Variants in PROSER3 observed in about 807,000 individuals in gnomAD.
PROSER3 encodes proline and serine rich 3, also known as proline and serine-rich protein 3.
PROSER3 carries 33 observed loss-of-function variants against 50.2 expected under a neutral mutation model. The ratio of observed to expected loss-of-function variants is 0.66; its 90% CI spans 0.50 to 0.88. The LOEUF is 0.88. PROSER3 is among the 40% of genes least tolerant of loss of function. The pLI is 0.00. For missense variants in PROSER3, 623 were observed against 612.7 expected, an observed-to-expected ratio of 1.02 and a Z score of -0.18; for synonymous variants, 266 against 259.3, an observed-to-expected ratio of 1.03 and a Z score of -0.25.
At chr19:35,758,208 G>C in exon 1 of PROSER3, 1 of 1,561,356 alleles carries the variant, frequency 6.4e-7, no homozygotes, top group South Asian at 1.2e-5. Flanking sequence ...CGCGGAGGGA[G>C]CCGCGGGATG....
intron 3 of PROSER3, among the ~76,000 whole-genome samples, chr19:35,761,173 G>A (rs906788526): frequency 2.0e-5 from 3 of 152,174 alleles, no homozygotes; most frequent in African/African-American, 4.8e-5. Flanking sequence ...ACTTAGTCAC[G>A]TGGTCACAAG....
intron 5 of PROSER3, among the ~76,000 whole-genome samples, chr19:35,764,425 G>T (rs1391011992): frequency 2.0e-5 from 3 of 152,114 alleles, no homozygotes; most frequent in Non-Finnish European, 2.9e-5. Context: ...AGGAGACTGA[G>T]GTGGGCGGAT....
downstream of PROSER3, chr19:35,769,329 G>C (rs1191719395): frequency 7.3e-6 from 1 of 136,972 alleles, no homozygotes; most frequent in Non-Finnish European, 1.5e-5. Flanking sequence ...TTTTTGGATG[G>C]AGTCTAGCTC....
intron 1 of PROSER3, chr19:35,758,443 G>A: frequency 2.0e-6 from 1 of 488,736 alleles, no homozygotes; most frequent in Non-Finnish European, 3.5e-6. Flanking sequence ...TCTCTGAGTG[G>A]GCCCCAAGGA....
At chr19:35,760,673 G>A (rs1970928540) in intron 3 of PROSER3, among the ~76,000 whole-genome samples, 1 of 151,944 alleles carries the variant, frequency 6.6e-6, no homozygotes, top group Non-Finnish European at 1.5e-5. Flanking sequence ...TTTTAGTAGA[G>A]ATGGGGTTTC....
intron 3 of PROSER3, among the ~76,000 whole-genome samples, chr19:35,761,500 C>A (rs562513849): frequency 6.6e-6 from 1 of 152,118 alleles, no homozygotes; most frequent in East Asian, 1.9e-4. Context: ...GGTGAAACTC[C>A]GTCTCTACCA....
chr19:35,768,773 T>C (rs1599760685), exon 11 of PROSER3: 4 of 440,910 alleles, frequency 9.1e-6, no homozygotes, highest in Middle Eastern at 6.2e-4. Flanking sequence ...AGAGGGAGTT[T>C]CAGACAAGAC....
At chr19:35,763,723 G>T (rs1298583224) in intron 5 of PROSER3, among the ~76,000 whole-genome samples, 4 of 144,518 alleles carry the variant, frequency 2.8e-5, no homozygotes, top group Admixed American at 1.4e-4. Flanking sequence ...AGCCAGGATG[G>T]TCTCCATCTC....
intron 2 of PROSER3, 81 bp downstream of exon 2, chr19:35,759,551 G>C: frequency 7.7e-7 from 1 of 1,299,404 alleles, no homozygotes; most frequent in South Asian, 1.3e-5. Flanking sequence ...GACATGTGAT[G>C]AGAGATAGGG....
At chr19:35,767,202 T>C in intron 8 of PROSER3, 1 of 476,364 alleles carries the variant, frequency 2.1e-6, no homozygotes, top group Non-Finnish European at 3.7e-6. Context: ...TTTCCCTCAG[T>C]GTCCTCTCCA....
At chr19:35,763,209 C>CA (rs1020343677) in intron 5 of PROSER3, among the ~76,000 whole-genome samples, 2 of 147,962 alleles carry the variant, frequency 1.4e-5, no homozygotes, top group East Asian at 4.0e-4. Context: ...CATGCCCCCC[C>CA]TTTTTTTTTT....
chr19:35,766,362 C>G (rs1382480934), intron 7 of PROSER3, among the ~76,000 whole-genome samples: 1 of 151,982 alleles, frequency 6.6e-6, no homozygotes, highest in Middle Eastern at 3.2e-3. Context: ...GCTTGGGCAA[C>G]AAAGCAAGAC....
At chr19:35,770,292 C>T (rs911175454), downstream of PROSER3, among the ~76,000 whole-genome samples, 1 of 151,838 alleles carries the variant, frequency 6.6e-6, no homozygotes, top group Non-Finnish European at 1.5e-5. Flanking sequence ...CCCACCTCAG[C>T]CTCCCAAAGT....
At chr19:35,766,839 C>A in exon 8 of PROSER3, 1 of 1,551,632 alleles carries the variant, frequency 6.4e-7, no homozygotes, top group Non-Finnish European at 8.7e-7. Context: ...AGCACCCCTT[C>A]GGCCAGAGGA....
At chr19:35,760,934 A>C (rs1970936737) in intron 3 of PROSER3, among the ~76,000 whole-genome samples, 1 of 152,232 alleles carries the variant, frequency 6.6e-6, no homozygotes, top group Non-Finnish European at 1.5e-5. Flanking sequence ...AAAGAGTCCC[A>C]AATTAATTAT....
intron 5 of PROSER3, 37 bp downstream of exon 5, chr19:35,762,393 A>G: frequency 6.6e-7 from 1 of 1,506,402 alleles, no homozygotes; most frequent in Non-Finnish European, 9.1e-7. Context: ...TGGGTGCCTG[A>G]ACTGACAACA....
chr19:35,768,720 C>A, exon 11 of PROSER3: 1 of 654,234 alleles, frequency 1.5e-6, no homozygotes, highest in Non-Finnish European at 2.3e-6. Context: ...CCTTCCTGAC[C>A]ACGGAAACAA....
At chr19:35,767,974 G>C in exon 9 of PROSER3, 1 of 1,605,988 alleles carries the variant, frequency 6.2e-7, no homozygotes, top group Non-Finnish European at 8.5e-7. Flanking sequence ...TGGGGTCTCC[G>C]GAGGCCCTGG....
At chr19:35,768,096 G>A (rs775785732) in intron 9 of PROSER3, 31 bp downstream of exon 9, 63 of 1,592,074 alleles carry the variant, frequency 4.0e-5, no homozygotes, top group Non-Finnish European at 5.1e-5. Context: ...GATGTTGGAG[G>A]CAGGCCAGCC....
Sources: allele counts gnomAD v4.1 joint callset (sites outside exome capture counted in the v4.1 genomes callset), GRCh38; gene constraint gnomAD v4.1.1; transcripts MANE v1.5; gene names NCBI Gene and HGNC (gene_info 2026-07-23, HGNC 2026-07-21).